Variants in HPSE2 observed in about 807,000 individuals in gnomAD.
HPSE2 encodes inactive heparanase-2.
HPSE2 carries 38 observed loss-of-function variants against 60.5 expected under a neutral mutation model. The observed-to-expected ratio is 0.63, with a 90% CI of 0.48 to 0.82. The LOEUF is 0.82. HPSE2 is among the 40% of genes least tolerant of loss of function. HPSE2 has a pLI of 0.00. For synonymous variants in HPSE2, 295 were observed against 293.2 expected, an observed-to-expected ratio of 1.01 and a Z score of -0.06; for missense variants, 713 against 740.4, an observed-to-expected ratio of 0.96 and a Z score of 0.43.
intron 3 of HPSE2, among the ~76,000 whole-genome samples, chr10:98,749,492 G>T (rs1286724660): frequency 6.6e-6 from 1 of 150,474 alleles, no homozygotes; most frequent in Non-Finnish European, 1.5e-5. Flanking sequence ...TATATATACA[G>T]ATATATATAT....
chr10:99,265,835 G>T, the HPSE2 span, among the ~76,000 whole-genome samples: 3 of 152,324 alleles, frequency 2.0e-5, no homozygotes, highest in East Asian at 5.8e-4. Flanking sequence ...AAGGGGGATT[G>T]TCCACGCCCA....
At chr10:98,800,185 T>C (rs1018304167) in intron 3 of HPSE2, among the ~76,000 whole-genome samples, 3 of 151,508 alleles carry the variant, frequency 2.0e-5, no homozygotes, top group African/African-American at 4.8e-5. Flanking sequence ...CTGGGCAAAA[T>C]GGCGAGACTT....
intron 2 of HPSE2, among the ~76,000 whole-genome samples, chr10:99,209,753 G>C (rs900564046): frequency 5.9e-5 from 9 of 152,192 alleles, no homozygotes; most frequent in African/African-American, 2.2e-4. Flanking sequence ...GCAGTGGCAT[G>C]ATCTTGGCTC....
intron 2 of HPSE2, among the ~76,000 whole-genome samples, chr10:99,159,800 T>A (rs1342649790): frequency 1.3e-5 from 2 of 152,016 alleles, no homozygotes; most frequent in Non-Finnish European, 2.9e-5. Context: ...AATAGAAAAA[T>A]AATAATAAAT....
chr10:98,944,289 G>C (rs1269558470), intron 3 of HPSE2, among the ~76,000 whole-genome samples: 1 of 152,146 alleles, frequency 6.6e-6, no homozygotes, highest in African/African-American at 2.4e-5. Context: ...GCAGGAAAGA[G>C]CTCTGCTGGA....
At chr10:98,468,069 C>T (rs1181842174) in intron 11 of HPSE2, among the ~76,000 whole-genome samples, 1 of 152,274 alleles carries the variant, frequency 6.6e-6, no homozygotes, top group Non-Finnish European at 1.5e-5. Context: ...GGCCCCCTCG[C>T]TGAGCGAGGA....
intron 11 of HPSE2, among the ~76,000 whole-genome samples, chr10:98,480,735 G>A (rs191644954): frequency 8.3e-4 from 126 of 152,274 alleles, no homozygotes; most frequent in Non-Finnish European, 1.3e-3. Context: ...CCTAACAAAT[G>A]TTTTGTCAAC....
chr10:98,478,030 C>T (rs776248209), intron 11 of HPSE2, among the ~76,000 whole-genome samples: 1 of 152,220 alleles, frequency 6.6e-6, no homozygotes, highest in East Asian at 1.9e-4. Context: ...AACTGTCTTC[C>T]ATGAAACCAG....
intron 3 of HPSE2, among the ~76,000 whole-genome samples, chr10:99,083,863 T>C (rs930249476): frequency 1.3e-5 from 2 of 150,850 alleles, no homozygotes; most frequent in Non-Finnish European, 2.9e-5. Context: ...AAGAAGACAA[T>C]GTGAATTTTG....
intron 9 of HPSE2, among the ~76,000 whole-genome samples, chr10:98,609,955 C>T (rs1390812692): frequency 1.3e-5 from 2 of 151,686 alleles, no homozygotes; most frequent in Non-Finnish European, 2.9e-5. Flanking sequence ...GATTCTCCTG[C>T]CTCAGCCTCT....
chr10:99,055,641 A>C (rs920404581), intron 3 of HPSE2, among the ~76,000 whole-genome samples: 24 of 152,260 alleles, frequency 1.6e-4, no homozygotes, highest in Middle Eastern at 3.4e-3. Context: ...TCTTACCACA[A>C]AATTAAATTG....
chr10:98,579,574 C>T (rs1177233628), intron 9 of HPSE2, among the ~76,000 whole-genome samples: 6 of 152,160 alleles, frequency 3.9e-5, no homozygotes, highest in Non-Finnish European at 8.8e-5. Context: ...TCTTTCCCTC[C>T]ACCACTTCTC....
chr10:99,277,153 T>C, the HPSE2 span, among the ~76,000 whole-genome samples: 3 of 152,206 alleles, frequency 2.0e-5, no homozygotes, highest in Admixed American at 6.5e-5. Context: ...CAAATCAAGA[T>C]ATCCCGTGGG....
intron 3 of HPSE2, among the ~76,000 whole-genome samples, chr10:98,909,635 T>TAA (rs770316849): frequency 4.5e-5 from 6 of 134,804 alleles, no homozygotes; most frequent in South Asian, 2.3e-4. Flanking sequence ...TCTCAAAATT[T>TAA]AAAAAAAAAA....
chr10:98,462,704 T>C (rs1940349226), intron 11 of HPSE2, among the ~76,000 whole-genome samples: 2 of 152,146 alleles, frequency 1.3e-5, no homozygotes, highest in African/African-American at 4.8e-5. Context: ...TCTGCCTGCT[T>C]CTCAGATGCT....
chr10:98,599,398 T>C (rs1489168023), intron 9 of HPSE2, among the ~76,000 whole-genome samples: 1 of 152,096 alleles, frequency 6.6e-6, no homozygotes, highest in Non-Finnish European at 1.5e-5. Flanking sequence ...TGGCCTGACC[T>C]GGCCCTTCAG....
chr10:98,848,246 C>T (rs544710665), intron 3 of HPSE2, among the ~76,000 whole-genome samples: 24 of 152,094 alleles, frequency 1.6e-4, no homozygotes, highest in African/African-American at 4.6e-4. Context: ...GGCGAAAGCC[C>T]GTCTCTACTA....
chr10:98,777,517 G>A (rs1950367540), intron 3 of HPSE2, among the ~76,000 whole-genome samples: 1 of 152,030 alleles, frequency 6.6e-6, no homozygotes. Flanking sequence ...AACCAATAAT[G>A]TGCATTATTA....
chr10:99,077,809 A>G (rs1842999398), intron 3 of HPSE2, among the ~76,000 whole-genome samples: 1 of 152,010 alleles, frequency 6.6e-6, no homozygotes. Context: ...GATTTCATTG[A>G]TCATGATATG....
Sources: gnomAD v4.1 joint callset for allele counts (sites outside exome capture counted in the v4.1 genomes callset) on GRCh38, gnomAD v4.1.1 for gene constraint, MANE v1.5 for transcripts, NCBI Gene and HGNC (gene_info 2026-07-23, HGNC 2026-07-21) for gene names.